SVOP: variants seen among roughly 807,000 people sequenced by gnomAD.
The protein encoded by SVOP is SV2 related protein.
A neutral mutation model predicts 69.1 loss-of-function variants in SVOP; 17 were observed. The ratio of observed to expected loss-of-function variants is 0.25; its 90% confidence interval spans 0.17 to 0.37. SVOP has a LOEUF of 0.37. SVOP is among the 10% of genes least tolerant of loss of function. SVOP has a pLI of 1.00. For synonymous variants in SVOP, 238 were observed against 238.6 expected, an observed-to-expected ratio of 1.00 and a Z score of 0.02; for missense variants, 435 against 597.5, an observed-to-expected ratio of 0.73 and a Z score of 2.84.
chr12:108,986,106 T>C (rs2040164567), intron 1 of SVOP, among the ~76,000 whole-genome samples: 1 of 152,120 alleles, frequency 6.6e-6, no homozygotes, highest in East Asian at 1.9e-4. Flanking sequence ...GGTGCTAACA[T>C]TTCACCCCCT....
At chr12:109,006,451 C>T (rs187385036) in intron 1 of SVOP, among the ~76,000 whole-genome samples, 10 of 152,232 alleles carry the variant, frequency 6.6e-5, no homozygotes, top group Admixed American at 5.9e-4. Context: ...CTCTGTCATA[C>T]TTACAGATCC....
chr12:108,919,691 A>G lies in SVOP; in HGVS notation c.1252T>C (p.Phe418Leu). Residue 418 changes from phenylalanine to leucine, a missense_variant, in exon 13 of 16, where the codon TTT (phenylalanine) becomes CTT (leucine). Physicochemically the swap from Phe to Leu is conservative, Grantham distance 22. Transcript: ENST00000610966. ...VIFSFCSLLL[F>L]ICVGRNVLTL... ...ATCACCTACCTTCCAACACAGATAA[A>G]CAGCAGGAGGCTGCAGAAGGAGAAG... is the stretch of plus-strand genomic sequence containing the variant. The G allele has an allele frequency of 1.2e-6, 2 of 1,604,652 alleles. No individual in the cohort carries two copies. Among genetic ancestry groups the G allele is most frequent in the Non-Finnish European group, 1.7e-6 (2 of 1,175,526 alleles).
chr12:109,005,816 G>A (rs1181424826), intron 1 of SVOP, among the ~76,000 whole-genome samples: 2 of 152,144 alleles, frequency 1.3e-5, no homozygotes, highest in Non-Finnish European at 2.9e-5. Flanking sequence ...AACAGCTAGT[G>A]CAAAGGCCTG....
At chr12:109,010,127 C>CAAAA (rs11311870) in intron 1 of SVOP, among the ~76,000 whole-genome samples, 1 of 119,072 alleles carries the variant, frequency 8.4e-6, no homozygotes. Flanking sequence ...CTCTCTCTCT[C>CAAAA]AAAAAAAAAA....
chr12:108,988,542 T>C (rs1273168385), intron 1 of SVOP, among the ~76,000 whole-genome samples: 1 of 152,160 alleles, frequency 6.6e-6, no homozygotes, highest in East Asian at 1.9e-4. Context: ...AATCATATGA[T>C]TCGAGAATTT....
chr12:108,973,382 A>AGTTT (rs1202477039), intron 4 of SVOP, among the ~76,000 whole-genome samples: 6 of 152,004 alleles, frequency 3.9e-5, no homozygotes, highest in Non-Finnish European at 8.8e-5. Context: ...ATGTATGTAT[A>AGTTT]ATTTATTTAT....
rs1489063238 is a variant in SVOP, at chr12:108,986,404, AT to A, written c.36-2644del. ...TCTTCCATTGCTTCCCATTTACTCT[AT>A]TTTTTAATAAAGATATTTTATTTTG... On this transcript the variant is annotated intron_variant, in intron 1 of 15. Coordinates refer to ENST00000610966, the MANE Select transcript of SVOP (RefSeq NM_018711.5). 6.6e-5 allele frequency among the ~76,000 whole-genome samples: 10 copies of A among 152,218 alleles called. No homozygotes were observed. In the South Asian group the frequency reaches 2.1e-3, roughly 32 times the overall value.
intron 1 of SVOP, among the ~76,000 whole-genome samples, chr12:109,012,339 C>T (rs1464445527): frequency 1.3e-5 from 2 of 151,118 alleles, no homozygotes; most frequent in African/African-American, 2.4e-5. Flanking sequence ...TATCGTACAA[C>T]ATGGAGACTA....
At chr12:108,942,072 C>G (rs537988939) in intron 7 of SVOP, among the ~76,000 whole-genome samples, 3 of 152,220 alleles carry the variant, frequency 2.0e-5, no homozygotes, top group Non-Finnish European at 4.4e-5. Context: ...CTCTAGGTAC[C>G]TCATATAAGT....
chr12:109,001,169 C>T (rs2040266952), intron 1 of SVOP, among the ~76,000 whole-genome samples: 1 of 28,776 alleles, frequency 3.5e-5, no homozygotes, highest in Non-Finnish European at 9.4e-5. Flanking sequence ...ACACCAATAA[C>T]AGACAGAGAG....
chr12:108,957,803 G>A (rs1306827841), intron 6 of SVOP, among the ~76,000 whole-genome samples: 1 of 152,238 alleles, frequency 6.6e-6, no homozygotes, highest in Non-Finnish European at 1.5e-5. Flanking sequence ...GAGAGTGCTC[G>A]CTGAAGCTGA....
At chr12:109,010,215 C>A (rs1849982703) in intron 1 of SVOP, among the ~76,000 whole-genome samples, 1 of 151,928 alleles carries the variant, frequency 6.6e-6, no homozygotes, top group South Asian at 2.1e-4. Flanking sequence ...TGGTGCCAGG[C>A]ACATTCATCC....
intron 5 of SVOP, among the ~76,000 whole-genome samples, chr12:108,970,201 C>G (rs1270141394): frequency 1.3e-5 from 2 of 152,198 alleles, no homozygotes; most frequent in Non-Finnish European, 2.9e-5. Context: ...ATTGAGCCAT[C>G]ACCTGCTTCT....
At chr12:108,986,334 A>G (rs1227596775) in intron 1 of SVOP, among the ~76,000 whole-genome samples, 1 of 152,208 alleles carries the variant, frequency 6.6e-6, no homozygotes, top group Non-Finnish European at 1.5e-5. Flanking sequence ...ATCTGGCTTA[A>G]AACACTGTAT....
At chr12:108,942,348 C>T (rs988281101) in intron 7 of SVOP, among the ~76,000 whole-genome samples, 1 of 152,180 alleles carries the variant, frequency 6.6e-6, no homozygotes, top group Non-Finnish European at 1.5e-5. Context: ...CACTGACATC[C>T]ATCTCCCTTG....
At chr12:108,983,306 A>G (rs924729927) in intron 2 of SVOP, among the ~76,000 whole-genome samples, 5 of 152,098 alleles carry the variant, frequency 3.3e-5, no homozygotes, top group African/African-American at 1.2e-4. Flanking sequence ...TGCCACCATC[A>G]TCACCACCAC....
intron 10 of SVOP, among the ~76,000 whole-genome samples, chr12:108,934,756 T>C (rs1289669527): frequency 6.6e-6 from 1 of 152,214 alleles, no homozygotes; most frequent in Non-Finnish European, 1.5e-5. Flanking sequence ...CTCCCACCAG[T>C]GCCGTTACAG....
At chr12:108,995,936 TAC>T (rs1256238508) in intron 1 of SVOP, among the ~76,000 whole-genome samples, 1 of 151,738 alleles carries the variant, frequency 6.6e-6, no homozygotes, top group Non-Finnish European at 1.5e-5. Flanking sequence ...AATTTTATGT[TAC>T]ATATATTTTA....
chr12:108,998,390 G>A (rs199993665), intron 1 of SVOP, among the ~76,000 whole-genome samples: 5,894 of 152,138 alleles, frequency 0.039, 708 homozygotes, highest in Admixed American at 0.24. Context: ...ACACTCTGCA[G>A]GATATTATCC....
Sources: gnomAD v4.1 joint callset for allele counts (sites outside exome capture counted in the v4.1 genomes callset) on GRCh38, gnomAD v4.1.1 for gene constraint, MANE v1.5 for transcripts, NCBI Gene and HGNC (gene_info 2026-07-23, HGNC 2026-07-21) for gene names.